The following ASCC3 variants were observed in gnomAD, a reference collection of about 807,000 sequenced individuals.
ASCC3 encodes ASC-1 complex subunit P200.
Under a neutral mutation model 256.3 loss-of-function variants are expected in ASCC3, and 158 were observed. That is an observed-to-expected ratio of 0.62 (90% CI 0.54 to 0.70). The LOEUF is 0.70. Ranked by LOEUF, ASCC3 falls within the 30% of genes least tolerant of loss-of-function variation. The pLI is 0.00. For missense variants in ASCC3, 2,259 were observed against 2,626.0 expected, an observed-to-expected ratio of 0.86 and a Z score of 3.05; for synonymous variants, 948 against 883.4, an observed-to-expected ratio of 1.07 and a Z score of -1.30.
intron 10 of ASCC3, among the ~76,000 whole-genome samples, chr6:100,763,716 A>C (rs1781516812): frequency 6.6e-6 from 1 of 152,240 alleles, no homozygotes; most frequent in Admixed American, 6.5e-5. Context: ...TGGGTGGTCC[A>C]CAATGTTAAT....
rs775179431 is a variant in ASCC3, at chr6:100,625,214, C to T, written c.4763G>A (p.Trp1588Ter). The part of the protein sequence containing the change: ...FLATEEDPKQ[W>*]LNMDEREMEN... ...TACCTCTCTTTCATCCATGTTTAAC[C>T]ACTGCTTTGGATCTTCTTCAGTAGC... Residue 1588 changes from tryptophan (W) to a stop codon, truncating the protein, a stop_gained, in exon 30 of 42, where the codon TGG becomes TAG. Coordinates refer to ENST00000369162, the MANE Select transcript of ASCC3 (RefSeq NM_006828.4). LOFTEE classifies it high-confidence loss of function. 2 of 1,612,702 alleles carry T rather than the reference C, an allele frequency of 1.2e-6. No homozygotes were observed. Among genetic ancestry groups the T allele is most frequent in the East Asian group, 2.2e-5 (1 of 44,836 alleles).
chr6:100,717,367 A>G (rs1359949074), intron 12 of ASCC3, among the ~76,000 whole-genome samples: 1 of 151,970 alleles, frequency 6.6e-6, no homozygotes, highest in East Asian at 1.9e-4. Context: ...AAAAATGTCA[A>G]AAGGCCTGTA....
At chr6:100,844,077 G>C (rs1340378293) in intron 4 of ASCC3, among the ~76,000 whole-genome samples, 1 of 150,188 alleles carries the variant, frequency 6.7e-6, no homozygotes, top group African/African-American at 2.5e-5. Flanking sequence ...AGCAAACAGA[G>C]ACAAAATTTG....
At chr6:100,833,557 A>G (rs562654651) in intron 4 of ASCC3, among the ~76,000 whole-genome samples, 9 of 152,232 alleles carry the variant, frequency 5.9e-5, no homozygotes, top group Non-Finnish European at 1.3e-4. Flanking sequence ...AGGGGAGTAG[A>G]TATACAAGAA....
chr6:100,735,948 C>G (rs1468120761), intron 10 of ASCC3, among the ~76,000 whole-genome samples: 1 of 152,012 alleles, frequency 6.6e-6, no homozygotes, highest in Non-Finnish European at 1.5e-5. Context: ...ATCTCCATAC[C>G]CACATTTTCA....
At chr6:100,766,252 T>G (rs1781650406) in intron 10 of ASCC3, among the ~76,000 whole-genome samples, 2 of 152,194 alleles carry the variant, frequency 1.3e-5, no homozygotes. Context: ...TCCCTCCTCT[T>G]AAAATTAAAC....
At chr6:100,830,789 T>C (rs1335004382) in intron 4 of ASCC3, among the ~76,000 whole-genome samples, 1 of 152,196 alleles carries the variant, frequency 6.6e-6, no homozygotes, top group African/African-American at 2.4e-5. Context: ...AGGTGATATG[T>C]AAAATGCATA....
intron 4 of ASCC3, among the ~76,000 whole-genome samples, chr6:100,809,792 A>G (rs1770370729): frequency 1.3e-5 from 2 of 152,116 alleles, no homozygotes; most frequent in Non-Finnish European, 2.9e-5. Flanking sequence ...TTGGAAAGTC[A>G]TAATATTTGT....
intron 4 of ASCC3, among the ~76,000 whole-genome samples, chr6:100,825,596 T>C (rs1382447726): frequency 2.0e-5 from 3 of 152,194 alleles, no homozygotes; most frequent in African/African-American, 7.2e-5. Context: ...GTTGCTCTTC[T>C]TGAGGAGTAT....
intron 8 of ASCC3, among the ~76,000 whole-genome samples, chr6:100,767,952 G>C (rs138887841): frequency 2.0e-5 from 3 of 152,004 alleles, no homozygotes; most frequent in Admixed American, 2.0e-4. Flanking sequence ...TGGTAAATTA[G>C]TAATGTAAGA....
At chr6:100,527,393 A>G (rs550183372) in intron 37 of ASCC3, among the ~76,000 whole-genome samples, 18 of 152,218 alleles carry the variant, frequency 1.2e-4, no homozygotes, top group Non-Finnish European at 2.4e-4. Flanking sequence ...ACCATTTGCT[A>G]TATCAAAACA....
At chr6:100,757,282 C>A (rs1781224036) in intron 10 of ASCC3, among the ~76,000 whole-genome samples, 1 of 151,706 alleles carries the variant, frequency 6.6e-6, no homozygotes. Flanking sequence ...CCAACAACAA[C>A]AACAAACACA....
At chr6:100,806,015 A>G in intron 4 of ASCC3, 135 bp from the exon 5 acceptor site, 1 of 773,328 alleles carries the variant, frequency 1.3e-6, no homozygotes, top group Non-Finnish European at 2.0e-6. Flanking sequence ...TAAAAATGGT[A>G]CCTTAAACTA....
intron 14 of ASCC3, among the ~76,000 whole-genome samples, chr6:100,671,706 G>A (rs1776755106): frequency 6.6e-6 from 1 of 152,030 alleles, no homozygotes; most frequent in Non-Finnish European, 1.5e-5. Flanking sequence ...GTGAAAGCAT[G>A]CAGAACTTCT....
At chr6:100,818,740 G>A (rs1425239557) in intron 4 of ASCC3, among the ~76,000 whole-genome samples, 2 of 100,876 alleles carry the variant, frequency 2.0e-5, no homozygotes, top group Admixed American at 1.3e-4. Flanking sequence ...GGGCAGTTAG[G>A]CAAAAGCCAA....
Position 100,517,903 on chromosome 6 carries a change from A to G in ASCC3, c.5927+88T>C, listed in dbSNP as rs1255442002. On this transcript the variant is annotated intron_variant, in intron 38 of 41. Transcript: ENST00000369162. Reference sequence around the variant, plus strand: ...TCCATGTCAATAATCAGTATTCTCCATAACATAAAATTTCAGTGACTACAT... The same window carrying G: ...TCCATGTCAATAATCAGTATTCTCCGTAACATAAAATTTCAGTGACTACAT... 5.6e-5 allele frequency: 78 copies of G among 1,398,916 alleles called. 1 individual carries two copies. The highest frequency in any genetic ancestry group is 3.5e-4 in the South Asian group (29 of 82,378). The allele number at this position is 1,398,916 out of a possible 1,614,324, so 86.7% of individuals were successfully genotyped here.
chr6:100,793,232 AC>A (rs1769438183), intron 8 of ASCC3, among the ~76,000 whole-genome samples: 1 of 152,034 alleles, frequency 6.6e-6, no homozygotes, highest in South Asian at 2.1e-4. Context: ...TGTGACTTTT[AC>A]TTTGGCTTTA....
intron 10 of ASCC3, among the ~76,000 whole-genome samples, chr6:100,727,519 A>G (rs960248726): frequency 6.6e-6 from 1 of 152,118 alleles, no homozygotes; most frequent in South Asian, 2.1e-4. Flanking sequence ...CTTGAGAAAC[A>G]GAAAATGCAA....
At chr6:100,653,673 AC>A (rs1273432642) in intron 17 of ASCC3, among the ~76,000 whole-genome samples, 1 of 151,268 alleles carries the variant, frequency 6.6e-6, no homozygotes, top group Admixed American at 6.6e-5. Context: ...CTTACTTTTT[AC>A]TTTTATTATT....
Sources: allele counts gnomAD v4.1 joint callset (sites outside exome capture counted in the v4.1 genomes callset), GRCh38; gene constraint gnomAD v4.1.1; transcripts MANE v1.5; gene names NCBI Gene and HGNC (gene_info 2026-07-23, HGNC 2026-07-21).